ZNF33B: variants seen among roughly 807,000 people sequenced by gnomAD.
The protein encoded by ZNF33B is zinc finger protein 11b (KOX 2).
Under a neutral mutation model 45.8 loss-of-function variants are expected in ZNF33B, and 29 were observed. The observed-to-expected ratio is 0.63, with a 90% confidence interval of 0.47 to 0.86. ZNF33B has a LOEUF of 0.86. Among genes scored for constraint, ZNF33B ranks in the 40% least tolerant of loss-of-function variants. The pLI is 0.00. For synonymous variants in ZNF33B, 305 were observed against 307.8 expected (o/e 0.99, Z 0.10); for missense variants, 831 against 909.9 (o/e 0.91, Z 1.12).
chr10:42,624,370 A>G (rs1337078420), intron 4 of ZNF33B, among the ~76,000 whole-genome samples: 1 of 152,148 alleles, frequency 6.6e-6, no homozygotes, highest in Non-Finnish European at 1.5e-5. Context: ...TGTTCTATCA[A>G]TGTGTATATT....
At chr10:42,637,049 A>T in intron 1 of ZNF33B, 77 bp from the exon 2 acceptor site, 2 of 1,411,950 alleles carry the variant, frequency 1.4e-6, no homozygotes, top group South Asian at 2.4e-5. Flanking sequence ...TGCCCTAAGA[A>T]GCCATACACA....
chr10:42,575,727 T>TATATATATAC (rs572237020), intron 1 of ZNF33B, among the ~76,000 whole-genome samples: 39 of 144,974 alleles, frequency 2.7e-4, no homozygotes, highest in East Asian at 2.2e-3. Context: ...TATATATATA[T>TATATATATAC]ACATATATAT....
chr10:42,609,422 AAG>A (rs1331778800), intron 4 of ZNF33B, among the ~76,000 whole-genome samples: 2 of 152,204 alleles, frequency 1.3e-5, no homozygotes, highest in African/African-American at 4.8e-5. Flanking sequence ...TGTCTCAAAA[AAG>A]ACAAAAAACA....
At chr10:42,612,837 T>A (rs1430226709) in intron 4 of ZNF33B, among the ~76,000 whole-genome samples, 1 of 147,226 alleles carries the variant, frequency 6.8e-6, no homozygotes, top group Non-Finnish European at 1.5e-5. Flanking sequence ...GTCTGATAAT[T>A]TATTTTCTTT....
chr10:42,583,077 A>G (rs41301639), intron 1 of ZNF33B: 122,071 of 806,282 alleles, frequency 0.15, 13,052 homozygotes, highest in African/African-American at 0.35. Context: ...CAGCACTGCA[A>G]GGGTTTAATC....
At chr10:42,624,038 G>A (rs1366314293) in intron 4 of ZNF33B, among the ~76,000 whole-genome samples, 2 of 152,228 alleles carry the variant, frequency 1.3e-5, no homozygotes, top group African/African-American at 4.8e-5. Flanking sequence ...AGATCAGGAT[G>A]CCAGCATGGC....
chr10:42,590,574 C>A lies in ZNF33B; in HGVS notation c.*2039G>T, dbSNP rs561733893. 39 of 152,124 alleles carry A rather than the reference C, an allele frequency of 2.6e-4. No homozygotes were observed. Among genetic ancestry groups the A allele is most frequent in the African/African-American group, 7.5e-4 (31 of 41,506 alleles). The allele number at this position is 152,124 out of a possible 1,614,324, so 9.4% of individuals were successfully genotyped here. ...TAACTTTTTGTATTTTTAGCCACCG[C>A]GCCTGGTCTTGGAAGGTTATTAATT... On this transcript the variant is annotated 3_prime_UTR_variant, in exon 5 of 5. Transcript: ENST00000359467.
chr10:42,584,092 G>C (rs1836880509), intron 1 of ZNF33B, among the ~76,000 whole-genome samples: 1 of 152,206 alleles, frequency 6.6e-6, no homozygotes, highest in South Asian at 2.1e-4. Flanking sequence ...CAGGTCTGTG[G>C]AGGCTGTGTG....
intron 4 of ZNF33B, among the ~76,000 whole-genome samples, chr10:42,618,937 A>ATTT (rs1838449362): frequency 6.6e-6 from 1 of 152,168 alleles, no homozygotes; most frequent in Admixed American, 6.5e-5. Context: ...GTTTCTGCCA[A>ATTT]CTAAAATGGC....
intron 4 of ZNF33B, among the ~76,000 whole-genome samples, chr10:42,610,531 T>C (rs550001676): frequency 6.6e-6 from 1 of 152,250 alleles, no homozygotes; most frequent in Non-Finnish European, 1.5e-5. Flanking sequence ...AGAGCAAAAC[T>C]CTGTTTCAAT....
At position 42,593,448 on chromosome 10, in the gene ZNF33B, G is replaced by C; in HGVS notation, c.1502C>G (p.Ala501Gly). ...CTTGTGGTAGAAAGTTTTCCCACAT[G>C]CATTACATTCATAAGGTTTATCTCC... is the stretch of plus-strand genomic sequence containing the variant. ...HIGDKPYECN[A>G]CGKTFYHKSV... Residue 501 changes from alanine (A) to glycine (G), a missense_variant, in exon 5 of 5, where the codon GCA (alanine) becomes GGA (glycine). By Grantham distance (60) the Ala-to-Gly change is moderately conservative. Coordinates refer to ENST00000359467, the MANE Select transcript of ZNF33B (RefSeq NM_006955.3). 6.2e-7 allele frequency: 1 copy of C among 1,613,964 alleles called. No homozygotes were observed. Among genetic ancestry groups the C allele is most frequent in the Non-Finnish European group, 8.5e-7 (1 of 1,179,974 alleles).
chr10:42,629,705 T>C (rs1838966453), intron 4 of ZNF33B, among the ~76,000 whole-genome samples: 1 of 152,360 alleles, frequency 6.6e-6, no homozygotes, highest in East Asian at 1.9e-4. Flanking sequence ...GTTAGGCTGC[T>C]ATTTGTTTTC....
intron 2 of ZNF33B, among the ~76,000 whole-genome samples, chr10:42,634,941 T>TA (rs945543985): frequency 6.6e-5 from 10 of 152,178 alleles, no homozygotes; most frequent in African/African-American, 1.9e-4. Flanking sequence ...ACTTTTTCTG[T>TA]AAAAAATCAG....
intron 1 of ZNF33B, 110 bp downstream of exon 1, chr10:42,638,364 C>T (rs1839441014): frequency 3.1e-6 from 1 of 317,676 alleles, no homozygotes; most frequent in Non-Finnish European, 6.1e-6. Flanking sequence ...CCGGCTTCTC[C>T]GTGAGGTCCC....
chr10:42,614,041 C>T (rs530691041), intron 4 of ZNF33B, among the ~76,000 whole-genome samples: 17 of 152,190 alleles, frequency 1.1e-4, no homozygotes, highest in African/African-American at 2.4e-4. Flanking sequence ...AACATTGTTC[C>T]GATGTGTACA....
chr10:42,620,832 G>A (rs1195936299), intron 4 of ZNF33B, among the ~76,000 whole-genome samples: 5 of 151,888 alleles, frequency 3.3e-5, no homozygotes, highest in Non-Finnish European at 5.9e-5. Flanking sequence ...AGAGAACTGG[G>A]GTGGCTATAC....
intron 4 of ZNF33B, among the ~76,000 whole-genome samples, chr10:42,610,319 T>TGATGTCA (rs141532831): frequency 0.021 from 3,208 of 152,278 alleles, 80 homozygotes; most frequent in African/African-American, 0.063. Flanking sequence ...CTGGATCACC[T>TGATGTCA]GATGTCAGGA....
At chr10:42,575,731 T>C (rs201609787) in intron 1 of ZNF33B, among the ~76,000 whole-genome samples, 14 of 122,860 alleles carry the variant, frequency 1.1e-4, no homozygotes, top group African/African-American at 4.4e-4. Flanking sequence ...TATATATACA[T>C]ATATATTTTT....
At chr10:42,583,018 A>G in intron 1 of ZNF33B, 1 of 764,566 alleles carries the variant, frequency 1.3e-6, no homozygotes, top group Non-Finnish European at 2.3e-6. Context: ...AGGGAAGGCC[A>G]TTGATCTTCC....
Sources: gnomAD v4.1 joint callset for allele counts (sites outside exome capture counted in the v4.1 genomes callset) on GRCh38, gnomAD v4.1.1 for gene constraint, MANE v1.5 for transcripts, NCBI Gene and HGNC (gene_info 2026-07-23, HGNC 2026-07-21) for gene names.